Variants in SAMMSON observed in about 807,000 individuals in gnomAD.
SAMMSON encodes the protein survival associated mitochondrial melanoma specific oncogenic non-coding RNA.
chr3:70,098,215 A>C (rs1306459709), intron 4 of SAMMSON, among the ~76,000 whole-genome samples: 1 of 152,056 alleles, frequency 6.6e-6, no homozygotes, highest in Non-Finnish European at 1.5e-5. Context: ...ATCTTGTCCA[A>C]ACCTTCTTGG....
At chr3:70,231,867 A>G (rs915820720) in intron 4 of SAMMSON, among the ~76,000 whole-genome samples, 1 of 152,074 alleles carries the variant, frequency 6.6e-6, no homozygotes, top group Admixed American at 6.6e-5. Flanking sequence ...GCCTGCTGTG[A>G]TGTGTGCATG....
At chr3:70,220,937 G>T (rs1372809871) in intron 4 of SAMMSON, among the ~76,000 whole-genome samples, 1 of 152,148 alleles carries the variant, frequency 6.6e-6, no homozygotes, top group African/African-American at 2.4e-5. Flanking sequence ...CGTAAAGGGT[G>T]AATGAATGTA....
intron 4 of SAMMSON, among the ~76,000 whole-genome samples, chr3:70,183,130 C>T (rs1701067218): frequency 1.3e-5 from 2 of 152,178 alleles, no homozygotes; most frequent in African/African-American, 4.8e-5. Flanking sequence ...TGAACTTTCT[C>T]ATTTTTTCTT....
Position 70,277,562 on chromosome 3 carries a change from A to G in SAMMSON, n.675-13617A>G, listed in dbSNP as rs141288565. 5.2e-4 allele frequency among the ~76,000 whole-genome samples: 79 copies of G among 152,350 alleles called. No individual in the cohort carries two copies. In the East Asian group the frequency reaches 6.0e-3, roughly 12 times the overall value. ...GGCTTTTAGTGCTATTACTGCTGTC[A>G]TAAGTGGAAAATTGGCCTAATGCAA... is the stretch of plus-strand genomic sequence containing the variant. On this transcript the variant is annotated intron_variant and non_coding_transcript_variant, in intron 6 of 9. Coordinates refer to ENST00000642114, the Ensembl canonical transcript of SAMMSON.
Position 70,190,462 on chromosome 3 carries a change from A to G in SAMMSON, n.508-58645A>G, listed in dbSNP as rs59577459. Among the ~76,000 whole-genome samples the G allele has an allele frequency of 3.3e-3, 507 of 152,298 alleles. 1 individual carries two copies. Among genetic ancestry groups the G allele is most frequent in the African/African-American group, 0.012 (495 of 41,560 alleles). On this transcript the variant is annotated intron_variant and non_coding_transcript_variant, in intron 4 of 9. Coordinates refer to ENST00000642114, the Ensembl canonical transcript of SAMMSON. ...ATTGAAAGCTCACTTCACAATCACC[A>G]TCTTAGTCCAGGTCACTACTAGGTC...
chr3:70,078,767 T>C (rs2106639983), intron 4 of SAMMSON, among the ~76,000 whole-genome samples: 1 of 152,274 alleles, frequency 6.6e-6, no homozygotes, highest in East Asian at 1.9e-4. Flanking sequence ...GCACAAAACT[T>C]AAGTTGTTGG....
intron 1 of SAMMSON, among the ~76,000 whole-genome samples, chr3:70,004,120 T>C (rs953764490): frequency 6.6e-6 from 1 of 152,138 alleles, no homozygotes; most frequent in Non-Finnish European, 1.5e-5. Context: ...CATCTGTTTA[T>C]TGTGCACAGG....
intron 2 of SAMMSON, among the ~76,000 whole-genome samples, chr3:70,418,324 T>C (rs1701281776): frequency 6.6e-6 from 1 of 152,188 alleles, no homozygotes; most frequent in South Asian, 2.1e-4. Context: ...ATTCACCACT[T>C]CAGGTTACTC....
chr3:70,096,545 A>C (rs1313996502), intron 4 of SAMMSON, among the ~76,000 whole-genome samples: 1 of 152,108 alleles, frequency 6.6e-6, no homozygotes, highest in Non-Finnish European at 1.5e-5. Context: ...CCTTCTCTCA[A>C]AGAGAGAGAG....
At chr3:70,390,632 G>C (rs1357127947), downstream of SAMMSON, among the ~76,000 whole-genome samples, 1 of 151,950 alleles carries the variant, frequency 6.6e-6, no homozygotes, top group Non-Finnish European at 1.5e-5. Flanking sequence ...TATCACAAAG[G>C]CAGCACTATG....
chr3:70,207,573 G>T (rs1010888138), intron 4 of SAMMSON, among the ~76,000 whole-genome samples: 3 of 151,844 alleles, frequency 2.0e-5, no homozygotes, highest in African/African-American at 7.3e-5. Context: ...CGTATCTGTG[G>T]GTTTCACATC....
chr3:70,157,278 G>A (rs905541174), intron 4 of SAMMSON, among the ~76,000 whole-genome samples: 3 of 152,048 alleles, frequency 2.0e-5, no homozygotes, highest in African/African-American at 7.2e-5. Context: ...CTCTGGCTAC[G>A]AGGAACGATG....
At chr3:70,396,676 T>C (rs900328937) in intron 2 of SAMMSON, among the ~76,000 whole-genome samples, 8 of 152,272 alleles carry the variant, frequency 5.3e-5, no homozygotes, top group African/African-American at 1.7e-4. Flanking sequence ...GTCTTGGAAA[T>C]GTAAATTCAG....
intron 4 of SAMMSON, among the ~76,000 whole-genome samples, chr3:70,220,313 C>T (rs932448754): frequency 5.3e-5 from 8 of 151,964 alleles, no homozygotes; most frequent in Admixed American, 1.3e-4. Flanking sequence ...TGCCTGTAAT[C>T]CCAGTGCTTT....
chr3:70,285,434 C>A (rs561796328), intron 6 of SAMMSON, among the ~76,000 whole-genome samples: 1 of 152,178 alleles, frequency 6.6e-6, no homozygotes, highest in East Asian at 1.9e-4. Flanking sequence ...ATATATGCCA[C>A]ATTTTCTTAA....
intron 9 of SAMMSON, among the ~76,000 whole-genome samples, chr3:70,380,646 C>G (rs912869187): frequency 2.6e-5 from 4 of 151,972 alleles, no homozygotes; most frequent in African/African-American, 7.3e-5. Context: ...CACCTATTAA[C>G]TCGTCATTTA....
chr3:70,264,645 T>C (rs1352147462), intron 6 of SAMMSON, among the ~76,000 whole-genome samples: 6 of 152,358 alleles, frequency 3.9e-5, no homozygotes, highest in Middle Eastern at 3.4e-3. Context: ...ACTGAAAGTA[T>C]GCCATTTACT....
intron 4 of SAMMSON, among the ~76,000 whole-genome samples, chr3:70,118,417 CT>C (rs941537803): frequency 3.9e-5 from 6 of 152,208 alleles, no homozygotes; most frequent in Admixed American, 2.6e-4. Flanking sequence ...CTGTTAGAAT[CT>C]TTTTTCCCCC....
chr3:70,181,756 A>T (rs2106705818), intron 4 of SAMMSON, among the ~76,000 whole-genome samples: 1 of 152,296 alleles, frequency 6.6e-6, no homozygotes, highest in South Asian at 2.1e-4. Flanking sequence ...CACATCATCT[A>T]TGTTTAGACA....
Sources: allele counts gnomAD v4.1 joint callset (sites outside exome capture counted in the v4.1 genomes callset), GRCh38; gene constraint gnomAD v4.1.1; transcripts MANE v1.5; gene names NCBI Gene and HGNC (gene_info 2026-07-23, HGNC 2026-07-21).